Variants in MMD observed in about 807,000 individuals in gnomAD.
MMD encodes monocyte to macrophage differentiation factor.
In MMD, 22 loss-of-function variants were observed where a neutral mutation model predicts 33.6. The ratio of observed to expected loss-of-function variants is 0.66; its 90% CI spans 0.47 to 0.94. MMD has a LOEUF of 0.94. Among genes scored for constraint, MMD ranks in the 40% least tolerant of loss-of-function variants. The pLI is 0.00. For missense variants in MMD, 242 were observed against 309.8 expected, an observed-to-expected ratio of 0.78 and a Z score of 1.64; for synonymous variants, 97 against 103.2, an observed-to-expected ratio of 0.94 and a Z score of 0.36.
At position 55,396,830 on chromosome 17, in the gene MMD, T is replaced by C. The variant is rs187119356; in HGVS notation, c.517-2296A>G. ...TGGGGTTTCATCATGTCGGTCAGGCTGGTCTCGAACTCCTGACCTCGTGAT... is the reference window on the plus strand; with the variant it reads ...TGGGGTTTCATCATGTCGGTCAGGCCGGTCTCGAACTCCTGACCTCGTGAT... On this transcript the variant is annotated intron_variant, in intron 6 of 6. Transcript: ENST00000262065. Among the ~76,000 whole-genome samples, 366 of 152,088 alleles carry C rather than the reference T, an allele frequency of 2.4e-3. 4 individuals carry two copies. Among genetic ancestry groups the C allele is most frequent in the African/African-American group, 8.5e-3 (354 of 41,492 alleles).
intron 3 of MMD, 130 bp from the exon 4 acceptor site, chr17:55,407,950 G>T (rs1180566205): frequency 8.2e-6 from 5 of 611,196 alleles, no homozygotes; most frequent in Non-Finnish European, 1.3e-5. Flanking sequence ...TTCTTCCAAG[G>T]TTACACAGAT....
intron 2 of MMD, among the ~76,000 whole-genome samples, chr17:55,412,442 A>G (rs1193460039): frequency 2.0e-5 from 3 of 152,246 alleles, no homozygotes; most frequent in African/African-American, 4.8e-5. Flanking sequence ...CATATTTCAT[A>G]GTCCACATGG....
intron 3 of MMD, among the ~76,000 whole-genome samples, chr17:55,408,210 A>G (rs1212856570): frequency 1.3e-5 from 2 of 152,186 alleles, no homozygotes; most frequent in East Asian, 1.9e-4. Context: ...AACCTGCCCC[A>G]GCTCCTATCA....
rs76040019 is a variant in MMD, at chr17:55,393,264, A to C, written c.*1070T>G. ...TATTTTTTCTAGGAAAAAAAAAAAAAAACACAATATATGAGAAGATGCAAA... is the reference window on the plus strand; with the variant it reads ...TATTTTTTCTAGGAAAAAAAAAAAACAACACAATATATGAGAAGATGCAAA... On this transcript the variant is annotated 3_prime_UTR_variant, in exon 7 of 7. Coordinates refer to ENST00000262065, the MANE Select transcript of MMD (RefSeq NM_012329.3). 2.6e-5 allele frequency: 4 copies of C among 152,090 alleles called. No individual in the cohort carries two copies. The highest frequency in any genetic ancestry group is 4.4e-5 in the Non-Finnish European group (3 of 68,014). The allele number at this position is 152,090 out of a possible 1,614,324, so 9.4% of individuals were successfully genotyped here.
At chr17:55,401,107 C>T (rs1907309538) in intron 6 of MMD, among the ~76,000 whole-genome samples, 1 of 152,110 alleles carries the variant, frequency 6.6e-6, no homozygotes, top group South Asian at 2.1e-4. Context: ...TATAGCTTTC[C>T]CAAACTGTAC....
At chr17:55,417,300 A>C (rs1215841209) in intron 1 of MMD, among the ~76,000 whole-genome samples, 1 of 152,064 alleles carries the variant, frequency 6.6e-6, no homozygotes, top group African/African-American at 2.4e-5. Flanking sequence ...GCCAACATAG[A>C]GAAACTCCAT....
rs1329822904 is a variant in MMD, at chr17:55,393,127, T to C, written c.*1207A>G. ...TATTAACAACATGTTAATCTTAATA[T>C]AAGACACTGAGAGAAAAGTAAAAAT... On this transcript the variant is annotated 3_prime_UTR_variant, in exon 7 of 7. Transcript: ENST00000262065. The C allele has an allele frequency of 6.6e-6, 1 of 151,642 alleles. No homozygotes were observed. The highest frequency in any genetic ancestry group is 1.5e-5 in the Non-Finnish European group (1 of 67,972). 9.4% of individuals were successfully genotyped at this position (151,642 alleles called of 1,614,324 possible).
At chr17:55,408,973 T>A (rs935855809) in intron 3 of MMD, among the ~76,000 whole-genome samples, 5 of 151,982 alleles carry the variant, frequency 3.3e-5, no homozygotes, top group Non-Finnish European at 5.9e-5. Flanking sequence ...TGCACTACAG[T>A]CTGGGCAACA....
chr17:55,402,858 AAAG>A (rs988130937), intron 5 of MMD, among the ~76,000 whole-genome samples: 12 of 152,366 alleles, frequency 7.9e-5, no homozygotes, highest in African/African-American at 2.9e-4. Flanking sequence ...TCAGAGACAA[AAAG>A]AAGTTAGTGA....
At chr17:55,411,672 A>G (rs1441275380) in intron 2 of MMD, among the ~76,000 whole-genome samples, 1 of 151,516 alleles carries the variant, frequency 6.6e-6, no homozygotes, top group Non-Finnish European at 1.5e-5. Flanking sequence ...ATGCAACATC[A>G]TTCAGCTGTT....
At chr17:55,398,067 G>A (rs1465222969) in intron 6 of MMD, among the ~76,000 whole-genome samples, 6 of 135,354 alleles carry the variant, frequency 4.4e-5, no homozygotes, top group African/African-American at 1.7e-4. Flanking sequence ...TCTCTAGGTT[G>A]ATATTTTTCA....
chr17:55,414,596 A>G (rs1403366560), intron 1 of MMD, among the ~76,000 whole-genome samples: 1 of 132,524 alleles, frequency 7.5e-6, no homozygotes, highest in Admixed American at 7.8e-5. Flanking sequence ...ACACACACAC[A>G]CACGGTACAA....
At chr17:55,414,739 C>G (rs1351821622) in intron 1 of MMD, among the ~76,000 whole-genome samples, 1 of 152,108 alleles carries the variant, frequency 6.6e-6, no homozygotes, top group Non-Finnish European at 1.5e-5. Context: ...TCTTTAAACC[C>G]TACATCCCAT....
chr17:55,421,471 C>A (rs551584531), intron 1 of MMD, among the ~76,000 whole-genome samples, 199 bp downstream of exon 1: 1 of 152,334 alleles, frequency 6.6e-6, no homozygotes, highest in South Asian at 2.1e-4. Context: ...CCGGGTGAGG[C>A]AGGAGCTCCC....
chr17:55,418,279 A>T (rs1243409957), intron 1 of MMD, among the ~76,000 whole-genome samples: 1 of 152,242 alleles, frequency 6.6e-6, no homozygotes, highest in East Asian at 1.9e-4. Context: ...TGTAGTGTGA[A>T]TTCCATGAAG....
chr17:55,411,392 C>G lies in MMD; in HGVS notation c.134G>C (p.Gly45Ala). Residue 45 changes from glycine to alanine, a missense_variant, in exon 3 of 7, where the codon GGC becomes GCC. By Grantham distance (60) the Gly-to-Ala change is moderately conservative. Transcript: ENST00000262065. ...AGACAGCCGATGGAGGAGGGCACTG[C>G]CCACGATGGCCGGAACAATGAGGAA... is the stretch of plus-strand genomic sequence containing the variant. ...HAFLIVPAIVGSALLHRLSDD... is the reference protein window; with the variant it reads ...HAFLIVPAIVASALLHRLSDD... 1 of 1,613,524 alleles carries G rather than the reference C, an allele frequency of 6.2e-7. No individual in the cohort carries two copies. Among genetic ancestry groups the G allele is most frequent in the Non-Finnish European group, 8.5e-7 (1 of 1,179,816 alleles).
intron 1 of MMD, among the ~76,000 whole-genome samples, chr17:55,414,699 T>C (rs1329043111): frequency 6.6e-6 from 1 of 152,176 alleles, no homozygotes; most frequent in Non-Finnish European, 1.5e-5. Flanking sequence ...ATTTTCTCTC[T>C]TAAAATTTAT....
chr17:55,420,133 G>A (rs1908121803), intron 1 of MMD: 1 of 152,124 alleles, frequency 6.6e-6, no homozygotes, highest in African/African-American at 2.4e-5. Context: ...AGGTAAGAAT[G>A]ACAAACTCTT....
At chr17:55,402,560 A>G (rs1359262151) in intron 5 of MMD, among the ~76,000 whole-genome samples, 1 of 152,234 alleles carries the variant, frequency 6.6e-6, no homozygotes, top group East Asian at 1.9e-4. Flanking sequence ...AATGTCTGCC[A>G]AACTGAATGG....
Sources: allele counts gnomAD v4.1 joint callset (sites outside exome capture counted in the v4.1 genomes callset), GRCh38; gene constraint gnomAD v4.1.1; transcripts MANE v1.5; gene names NCBI Gene and HGNC (gene_info 2026-07-23, HGNC 2026-07-21).